The following CLSTN1 variants were observed in gnomAD, a reference collection of about 807,000 sequenced individuals.
CLSTN1 encodes the protein calsyntenin-1.
CLSTN1 carries 28 observed loss-of-function variants against 108.3 expected under a neutral mutation model. The ratio of observed to expected loss-of-function variants is 0.26; its 90% CI spans 0.19 to 0.35. The LOEUF (loss-of-function observed/expected upper bound fraction) is 0.35, where lower values mean the gene tolerates loss of function less well. CLSTN1 is among the 10% of genes least tolerant of loss of function. The probability of loss-of-function intolerance (pLI) is 1.00; values close to 1 mark genes in which losing one functional copy is unlikely to be tolerated. For missense variants in CLSTN1, 1,157 were observed against 1,302.6 expected (o/e 0.89, Z 1.72); for synonymous variants, 524 against 534.9 (o/e 0.98, Z 0.28).
rs144987297 is a variant in CLSTN1, at chr1:9,821,875, T to TAA, written c.91+1767_91+1768insTT. Among the ~76,000 whole-genome samples the TAA allele has an allele frequency of 6.4e-4, 97 of 152,300 alleles. 3 individuals are homozygous for TAA. The East Asian group carries it at 0.015, about 24-fold the overall frequency. On this transcript the variant is annotated intron_variant, in intron 1 of 18. Coordinates refer to ENST00000377298, the MANE Select transcript of CLSTN1 (RefSeq NM_001009566.3). Reference sequence around the variant, plus strand: ...TACTGTAACTGCACCAAGAAAAACTTAGAGAAAGCAAATTACAAATGACTC... The same window carrying TAA: ...TACTGTAACTGCACCAAGAAAAACTTAAAGAGAAAGCAAATTACAAATGACTC...
intron 1 of CLSTN1, among the ~76,000 whole-genome samples, chr1:9,815,794 G>C (rs1012137855): frequency 3.0e-4 from 45 of 152,184 alleles, no homozygotes; most frequent in Admixed American, 7.9e-4. Flanking sequence ...AAATCAGCCG[G>C]GCATGGTGGC....
At position 9,729,772 on chromosome 1, in the gene CLSTN1, T is replaced by TACC. The variant is rs978922789; in HGVS notation, c.*733_*735dup. 6.6e-6 allele frequency: 1 copy of TACC among 152,468 alleles called. No individual in the cohort carries two copies. Among genetic ancestry groups the TACC allele is most frequent in the African/African-American group, 2.4e-5 (1 of 41,474 alleles). 9.4% of individuals were successfully genotyped at this position (152,468 alleles called of 1,614,324 possible). A position where few individuals can be genotyped will look rare whatever the true frequency, so the allele number is the denominator to read the frequency against. On this transcript the variant is annotated 3_prime_UTR_variant, in exon 19 of 19. Coordinates refer to ENST00000377298, the MANE Select transcript of CLSTN1 (RefSeq NM_001009566.3). ...AAGGCAAGGCCCGGCCACTTGTAGC[T>TACC]ACCCTGATCCAGTCTCTTGAGCAGC...
chr1:9,758,836 C>T (rs924893027), intron 2 of CLSTN1, among the ~76,000 whole-genome samples: 4 of 152,098 alleles, frequency 2.6e-5, no homozygotes, highest in Admixed American at 2.0e-4. Flanking sequence ...TCAGTTGTTC[C>T]TGCTGTTTAA....
chr1:9,771,709 C>T (rs1282494894), intron 2 of CLSTN1, among the ~76,000 whole-genome samples: 1 of 152,148 alleles, frequency 6.6e-6, no homozygotes, highest in African/African-American at 2.4e-5. Flanking sequence ...ACTGCCTCTA[C>T]TGTCCTTTTC....
chr1:9,764,884 T>C (rs1652252415), intron 2 of CLSTN1, among the ~76,000 whole-genome samples: 1 of 152,090 alleles, frequency 6.6e-6, no homozygotes, highest in African/African-American at 2.4e-5. Context: ...CTAGCATAGC[T>C]ACCTAGTATT....
chr1:9,785,354 T>C (rs1432690031), intron 1 of CLSTN1, among the ~76,000 whole-genome samples: 2 of 152,038 alleles, frequency 1.3e-5, no homozygotes, highest in Admixed American at 6.6e-5. Flanking sequence ...TTCCAAAGAC[T>C]GAACACTGCC....
chr1:9,749,681 A>G (rs113466457), intron 6 of CLSTN1, 35 bp from the exon 7 acceptor site: 10 of 1,611,274 alleles, frequency 6.2e-6, no homozygotes, highest in Non-Finnish European at 8.5e-6. Flanking sequence ...GGGAAGAGAG[A>G]AGGAAAACAC....
chr1:9,771,865 G>A (rs1450832501), intron 2 of CLSTN1, among the ~76,000 whole-genome samples: 1 of 151,990 alleles, frequency 6.6e-6, no homozygotes, highest in Non-Finnish European at 1.5e-5. Flanking sequence ...TTTTCAAATA[G>A]TTCTTCAGAA....
intron 1 of CLSTN1, among the ~76,000 whole-genome samples, chr1:9,801,238 T>A (rs1298922151): frequency 1.3e-5 from 2 of 152,024 alleles, no homozygotes; most frequent in East Asian, 3.9e-4. Flanking sequence ...AGAGCGAAAC[T>A]CCATCTCAAA....
chr1:9,734,203 C>A lies in CLSTN1; in HGVS notation c.2111-61G>T. 1 of 1,547,560 alleles carries A rather than the reference C, an allele frequency of 6.5e-7. No homozygotes were observed. The highest frequency in any genetic ancestry group is 8.9e-7 in the Non-Finnish European group (1 of 1,129,128). ...GGCAGTGGGGCCCAGCGTGGCGGGG[C>A]ACACTGGATGCCCTGCCGGCTCACC... is the stretch of plus-strand genomic sequence containing the variant. On this transcript the variant is annotated intron_variant, in intron 14 of 18. Transcript: ENST00000377298. The surrounding 1 kb of genome is among the most constrained non-coding windows in gnomAD (Gnocchi z 4.8).
At chr1:9,776,117 C>T (rs1001478655) in intron 1 of CLSTN1, among the ~76,000 whole-genome samples, 27 of 152,014 alleles carry the variant, frequency 1.8e-4, no homozygotes, top group African/African-American at 4.8e-4. Flanking sequence ...GGACTACAGG[C>T]GCTCACCACC....
intron 1 of CLSTN1, among the ~76,000 whole-genome samples, chr1:9,798,177 G>A (rs1455159380): frequency 8.0e-6 from 1 of 125,694 alleles, no homozygotes; most frequent in Non-Finnish European, 1.7e-5. Context: ...AGAGGGAGGG[G>A]GAGGGGAGGG....
At position 9,744,638 on chromosome 1, in the gene CLSTN1, C is replaced by A; in HGVS notation, c.991G>T (p.Ala331Ser). The change falls in exon 8 of 19, where the codon GCC becomes TCC. Residue 331 changes from alanine (A) to serine (S), a missense_variant. By Grantham distance (99) the Ala-to-Ser change is moderately conservative. Transcript: ENST00000377298. ...GGCAGCAGCTCGGCAGTGCCCGCGG[C>A]CGCACCTGAAGCCACAGTGCTCGGT... Reference protein sequence around the residue: ...EKSLHRLCGAAAGTAELLPSP... With the variant: ...EKSLHRLCGASAGTAELLPSP... 1 of 1,608,182 alleles carries A rather than the reference C, an allele frequency of 6.2e-7. No individual in the cohort carries two copies. Among genetic ancestry groups the A allele is most frequent in the Non-Finnish European group, 8.5e-7 (1 of 1,179,072 alleles).
At chr1:9,810,514 C>T (rs575799239) in intron 1 of CLSTN1, among the ~76,000 whole-genome samples, 101 of 151,238 alleles carry the variant, frequency 6.7e-4, no homozygotes, top group African/African-American at 2.4e-3. Flanking sequence ...CTAGCTCACG[C>T]CTGTAATCCC....
intron 5 of CLSTN1, among the ~76,000 whole-genome samples, 199 bp downstream of exon 5, chr1:9,751,274 C>G (rs993010548): frequency 6.6e-6 from 1 of 152,090 alleles, no homozygotes; most frequent in African/African-American, 2.4e-5. Flanking sequence ...ACAGGACTTA[C>G]AGGTTCCAGA....
At chr1:9,772,780 T>C (rs1652752330) in intron 2 of CLSTN1, among the ~76,000 whole-genome samples, 1 of 152,188 alleles carries the variant, frequency 6.6e-6, no homozygotes, top group Non-Finnish European at 1.5e-5. Flanking sequence ...CATTCCTCTA[T>C]AAAGACCGCT....
At chr1:9,776,204 G>A (rs933043774) in intron 1 of CLSTN1, among the ~76,000 whole-genome samples, 13 of 151,924 alleles carry the variant, frequency 8.6e-5, no homozygotes, top group African/African-American at 2.7e-4. Flanking sequence ...TCCTGACCTC[G>A]TGTTCCGCCC....
At chr1:9,740,064 C>G (rs185592078) in intron 10 of CLSTN1, among the ~76,000 whole-genome samples, 5 of 152,186 alleles carry the variant, frequency 3.3e-5, no homozygotes, top group Admixed American at 2.0e-4. Flanking sequence ...GATCCACCCA[C>G]CTCAGCCTCC....
intron 2 of CLSTN1, among the ~76,000 whole-genome samples, chr1:9,757,976 T>G (rs1173335709): frequency 6.7e-6 from 1 of 149,994 alleles, no homozygotes; most frequent in African/African-American, 2.5e-5. Context: ...TGGTATCACA[T>G]GGCATGCAGT....
Sources: gnomAD v4.1 joint callset for allele counts (sites outside exome capture counted in the v4.1 genomes callset) on GRCh38, gnomAD v4.1.1 for gene constraint, Gnocchi (gnomAD v3.1) non-coding constraint, MANE v1.5 for transcripts, NCBI Gene and HGNC (gene_info 2026-07-23, HGNC 2026-07-21) for gene names.